The following TARBP1 variants were observed in gnomAD, a reference collection of about 807,000 sequenced individuals.
TARBP1 encodes tRNA (guanosine(18)-2'-O)-methyltransferase TARBP1.
TARBP1 carries 144 observed loss-of-function variants against 178.6 expected under a neutral mutation model. The observed-to-expected ratio is 0.81, with a 90% CI of 0.70 to 0.93. The LOEUF (loss-of-function observed/expected upper bound fraction) is 0.93. TARBP1 is among the 40% of genes least tolerant of loss of function. The pLI is 0.00. For synonymous variants in TARBP1, 787 were observed against 781.0 expected, an observed-to-expected ratio of 1.01 and a Z score of -0.13; for missense variants, 2,067 against 2,011.7, an observed-to-expected ratio of 1.03 and a Z score of -0.53.
intron 9 of TARBP1, among the ~76,000 whole-genome samples, chr1:234,453,103 A>C (rs1666948046): frequency 6.6e-6 from 1 of 152,174 alleles, no homozygotes; most frequent in Non-Finnish European, 1.5e-5. Flanking sequence ...GGGCAGTGAG[A>C]CTATTCTGTA....
intron 11 of TARBP1, among the ~76,000 whole-genome samples, chr1:234,448,164 C>T (rs1239103980): frequency 6.6e-6 from 1 of 152,246 alleles, no homozygotes; most frequent in Non-Finnish European, 1.5e-5. Flanking sequence ...GCCTCAAACT[C>T]CTGACCTCAG....
At chr1:234,439,222 T>A (rs994797687) in intron 12 of TARBP1, among the ~76,000 whole-genome samples, 1 of 152,150 alleles carries the variant, frequency 6.6e-6, no homozygotes, top group East Asian at 1.9e-4. Context: ...TAAGTAAATA[T>A]AACAGGCCCT....
chr1:234,396,763 T>G (rs1659973399), intron 26 of TARBP1, among the ~76,000 whole-genome samples: 2 of 151,726 alleles, frequency 1.3e-5, no homozygotes, highest in Non-Finnish European at 2.9e-5. Flanking sequence ...ATAATTGGCC[T>G]TTAAAAAAAA....
At chr1:234,396,814 T>C (rs1659979838) in intron 26 of TARBP1, among the ~76,000 whole-genome samples, 1 of 151,734 alleles carries the variant, frequency 6.6e-6, no homozygotes, top group East Asian at 1.9e-4. Flanking sequence ...AATCTGAATT[T>C]TCAACAAGTC....
At position 234,391,580 on chromosome 1, in the gene TARBP1, T is replaced by C; in HGVS notation, c.4863A>G (p.Pro1621=). 12 of 1,605,762 alleles carry C rather than the reference T, an allele frequency of 7.5e-6. No individual in the cohort carries two copies. Among genetic ancestry groups the C allele is most frequent in the African/African-American group, 1.3e-5 (1 of 74,884 alleles). The change falls in exon 30 of 30, where the codon CCA becomes CCG. Residue 1621 remains proline, a synonymous_variant. Coordinates refer to ENST00000040877, the MANE Select transcript of TARBP1 (RefSeq NM_005646.4). ...QQLLSHGDTK[P] ...GCAGTTCACTAAGGAAGGCACATCA[T>C]GGCTTGGTATCTCCGTGCGAGAGCA...
At chr1:234,465,456 C>A (rs1227447805) in intron 5 of TARBP1, among the ~76,000 whole-genome samples, 200 bp downstream of exon 5, 1 of 151,740 alleles carries the variant, frequency 6.6e-6, no homozygotes, top group African/African-American at 2.4e-5. Context: ...AAAAAGGAAA[C>A]AAGAAAAAAC....
intron 14 of TARBP1, among the ~76,000 whole-genome samples, chr1:234,432,388 G>A (rs892705160): frequency 1.3e-5 from 2 of 152,158 alleles, no homozygotes; most frequent in Non-Finnish European, 2.9e-5. Context: ...ACTGCAGTGA[G>A]CCAAGATCAC....
At position 234,433,571 on chromosome 1, in the gene TARBP1, C is replaced by T. The variant is rs750453469; in HGVS notation, c.2233G>A (p.Val745Ile). Residue 745 changes from valine (V) to isoleucine (I), a missense_variant and splice_region_variant, in exon 14 of 30, where the codon GTT becomes ATT. Coordinates refer to ENST00000040877, the MANE Select transcript of TARBP1 (RefSeq NM_005646.4). The part of the protein sequence containing the change: ...RRLTMNELNS[V>I]SDLDRCHLYL... ...AAATGGCAACGATCCAGATCTGAAA[C>T]CTAAGACAAGGATTAAAACACTTAA... The T allele has an allele frequency of 1.9e-6, 3 of 1,607,774 alleles. No homozygotes were observed. Among genetic ancestry groups the T allele is most frequent in the Non-Finnish European group, 2.5e-6 (3 of 1,178,552 alleles).
At chr1:234,458,883 T>C (rs146428514) in intron 8 of TARBP1, among the ~76,000 whole-genome samples, 1 of 152,312 alleles carries the variant, frequency 6.6e-6, no homozygotes, top group Non-Finnish European at 1.5e-5. Context: ...GGGCTTTTCC[T>C]GGGACGTGGT....
Position 234,393,759 on chromosome 1 carries a change from A to G in TARBP1, c.4322T>C (p.Val1441Ala), listed in dbSNP as rs750739490. ...QKKIIPWNSR[V>A]SDLDLELLFQ... ...CAGGAGCTCCAGGTCTAAGTCGGAA[A>G]CACGACTGTTCCACGGGATAATCTT... Residue 1441 changes from valine (V) to alanine (A), a missense_variant, in exon 27 of 30, where the codon GTT (valine) becomes GCT (alanine). Transcript: ENST00000040877. 1 of 1,614,018 alleles carries G rather than the reference A, an allele frequency of 6.2e-7. No individual in the cohort carries two copies. The highest frequency in any genetic ancestry group is 1.1e-5 in the South Asian group (1 of 91,082).
chr1:234,426,765 C>T (rs1021368084), intron 19 of TARBP1, among the ~76,000 whole-genome samples: 1 of 151,950 alleles, frequency 6.6e-6, no homozygotes, highest in Non-Finnish European at 1.5e-5. Context: ...ATAGTTTTAT[C>T]GCAGAAATCA....
intron 12 of TARBP1, among the ~76,000 whole-genome samples, chr1:234,442,482 T>C (rs551935460): frequency 1.4e-3 from 207 of 152,300 alleles, no homozygotes; most frequent in Non-Finnish European, 2.2e-3. Context: ...CTATATTATA[T>C]AGCCTCTGGA....
At chr1:234,474,289 A>ACACACAC (rs1553306832) in intron 1 of TARBP1, among the ~76,000 whole-genome samples, 3 of 127,032 alleles carry the variant, frequency 2.4e-5, no homozygotes, top group East Asian at 4.5e-4. Context: ...CACACACACA[A>ACACACAC]AGGGGACATT....
intron 12 of TARBP1, among the ~76,000 whole-genome samples, chr1:234,446,042 A>C (rs1197177825): frequency 7.5e-6 from 1 of 133,368 alleles, no homozygotes; most frequent in Non-Finnish European, 1.6e-5. Context: ...CTATCATTAT[A>C]AAAAAATATT....
chr1:234,403,868 GAGAC>G (rs1660954387), intron 24 of TARBP1, among the ~76,000 whole-genome samples: 1 of 151,998 alleles, frequency 6.6e-6, no homozygotes, highest in African/African-American at 2.4e-5. Flanking sequence ...ATTTTTAGTA[GAGAC>G]AGACAGGGTT....
intron 12 of TARBP1, among the ~76,000 whole-genome samples, chr1:234,446,561 G>A (rs192580468): frequency 1.3e-5 from 2 of 151,466 alleles, no homozygotes; most frequent in Admixed American, 6.6e-5. Context: ...GTCAACTCAC[G>A]AGAACAGATG....
At chr1:234,413,203 C>G (rs1662042217) in intron 22 of TARBP1, among the ~76,000 whole-genome samples, 1 of 152,160 alleles carries the variant, frequency 6.6e-6, no homozygotes, top group Admixed American at 6.5e-5. Context: ...AACTGCCCAG[C>G]CAGGCCCAGA....
intron 26 of TARBP1, among the ~76,000 whole-genome samples, chr1:234,394,126 A>C (rs1314099328): frequency 2.0e-5 from 3 of 152,232 alleles, no homozygotes; most frequent in Non-Finnish European, 4.4e-5. Context: ...TCTGAAATTG[A>C]GACACATCTT....
intron 3 of TARBP1, among the ~76,000 whole-genome samples, chr1:234,468,367 C>T (rs932549374): frequency 2.6e-5 from 4 of 152,012 alleles, no homozygotes; most frequent in African/African-American, 4.8e-5. Flanking sequence ...GACTGAGACA[C>T]GAGAATCGCT....
Sources: gnomAD v4.1 joint callset for allele counts (sites outside exome capture counted in the v4.1 genomes callset) on GRCh38, gnomAD v4.1.1 for gene constraint, MANE v1.5 for transcripts, NCBI Gene and HGNC (gene_info 2026-07-23, HGNC 2026-07-21) for gene names.